The following ATP8B1 variants were observed in gnomAD, a reference collection of about 807,000 sequenced individuals.
ATP8B1 encodes the protein phospholipid-transporting ATPase IC.
In ATP8B1, 80 loss-of-function variants were observed where a neutral mutation model predicts 149.9. That is an observed-to-expected ratio of 0.53 (90% confidence interval 0.45 to 0.64). The LOEUF (loss-of-function observed/expected upper bound fraction) is 0.64, where lower values mean the gene tolerates loss of function less well. ATP8B1 is among the 30% of genes least tolerant of loss of function. The probability of loss-of-function intolerance (pLI) is 0.00; values close to 1 mark genes in which losing one functional copy is unlikely to be tolerated. For synonymous variants in ATP8B1, 536 were observed against 562.8 expected, an observed-to-expected ratio of 0.95 and a Z score of 0.67; for missense variants, 1,247 against 1,552.6, an observed-to-expected ratio of 0.80 and a Z score of 3.31.
chr18:57,679,389 A>G (rs923648161), intron 15 of ATP8B1, among the ~76,000 whole-genome samples: 26 of 152,188 alleles, frequency 1.7e-4, no homozygotes, highest in Non-Finnish European at 3.2e-4. Context: ...ATAAAAATTG[A>G]AGGTGTAAAA....
chr18:57,656,965 G>T (rs942422203), intron 22 of ATP8B1, among the ~76,000 whole-genome samples: 4 of 151,910 alleles, frequency 2.6e-5, no homozygotes, highest in African/African-American at 9.7e-5. Flanking sequence ...ACAACAGGAG[G>T]TGTTTAAATA....
chr18:57,747,514 C>CA (rs1365096911), intron 1 of ATP8B1, among the ~76,000 whole-genome samples: 1 of 151,610 alleles, frequency 6.6e-6, no homozygotes, highest in Non-Finnish European at 1.5e-5. Context: ...GATCTGTATC[C>CA]AAAGCTGTGG....
chr18:57,696,639 G>A lies in ATP8B1; in HGVS notation c.698+979C>T, dbSNP rs564086204. On this transcript the variant is annotated intron_variant, in intron 8 of 27. Transcript: ENST00000648908. ...CCTAGTTTTCAGTCTCATGATTTCCGCTCTCTGTAAAGCAGTGTATGCACA... is the reference window on the plus strand; with the variant it reads ...CCTAGTTTTCAGTCTCATGATTTCCACTCTCTGTAAAGCAGTGTATGCACA... 1.3e-4 allele frequency among the ~76,000 whole-genome samples: 19 copies of A among 151,446 alleles called. No individual in the cohort carries two copies. The East Asian group carries it at 3.5e-3, about 28-fold the overall frequency.
chr18:57,797,260 G>A (rs576441046), intron 1 of ATP8B1, among the ~76,000 whole-genome samples: 28 of 152,246 alleles, frequency 1.8e-4, no homozygotes, highest in African/African-American at 6.3e-4. Context: ...CAAACAAACC[G>A]CAACTCCAGT....
chr18:57,676,565 G>GA (rs35414334), intron 15 of ATP8B1, among the ~76,000 whole-genome samples: 12,810 of 151,414 alleles, frequency 0.085, 623 homozygotes, highest in Middle Eastern at 0.14. Flanking sequence ...TAAAAACACA[G>GA]AAAATTAGCC....
intron 15 of ATP8B1, among the ~76,000 whole-genome samples, chr18:57,680,149 C>T (rs1041282394): frequency 6.6e-6 from 1 of 151,254 alleles, no homozygotes; most frequent in African/African-American, 2.4e-5. Context: ...TTGGTGTGGG[C>T]GCCTGTAATC....
intron 16 of ATP8B1, 73 bp downstream of exon 16, chr18:57,674,761 A>AAG: frequency 1.3e-6 from 2 of 1,525,334 alleles, no homozygotes; most frequent in Non-Finnish European, 1.8e-6. Flanking sequence ...CTTTATCCTG[A>AAG]TGCCACTCAA....
At chr18:57,709,633 A>C (rs1316853521) in intron 2 of ATP8B1, among the ~76,000 whole-genome samples, 1 of 152,132 alleles carries the variant, frequency 6.6e-6, no homozygotes, top group African/African-American at 2.4e-5. Context: ...TTACAGAAAG[A>C]GTAAGCATCT....
At chr18:57,738,149 G>A (rs552958532) in intron 1 of ATP8B1, 2 of 152,226 alleles carry the variant, frequency 1.3e-5, no homozygotes, top group South Asian at 2.1e-4. Context: ...TGCTGTGTAT[G>A]GTATGGATTT....
chr18:57,684,223 T>C (rs1912123829), intron 14 of ATP8B1, 31 bp from the exon 15 acceptor site: 4 of 1,595,302 alleles, frequency 2.5e-6, no homozygotes, highest in Non-Finnish European at 3.4e-6. Context: ...CAAAATATGA[T>C]TTTATAAAAT....
chr18:57,749,972 G>A (rs1050278487), intron 1 of ATP8B1, among the ~76,000 whole-genome samples: 2 of 152,240 alleles, frequency 1.3e-5, no homozygotes, highest in African/African-American at 4.8e-5. Context: ...GCCGGGTGCA[G>A]TGGCTCACAC....
intron 1 of ATP8B1, among the ~76,000 whole-genome samples, chr18:57,797,437 C>T (rs2080525269): frequency 6.6e-6 from 1 of 152,204 alleles, no homozygotes; most frequent in Admixed American, 6.5e-5. Context: ...GAAAGGCTGC[C>T]CAGGAACAGA....
At chr18:57,789,957 GAATCACC>G (rs1271485189) in intron 1 of ATP8B1, among the ~76,000 whole-genome samples, 1 of 151,998 alleles carries the variant, frequency 6.6e-6, no homozygotes, top group Non-Finnish European at 1.5e-5. Flanking sequence ...CTAGACTTCT[GAATCACC>G]AATGCTTGAC....
chr18:57,770,737 C>T (rs2080256681), intron 1 of ATP8B1, among the ~76,000 whole-genome samples: 1 of 152,210 alleles, frequency 6.6e-6, no homozygotes, highest in Non-Finnish European at 1.5e-5. Flanking sequence ...TGCGGCAGAT[C>T]GCAAGTTCAT....
At chr18:57,658,668 T>TG (rs1555688370) in intron 22 of ATP8B1, among the ~76,000 whole-genome samples, 14 of 126,462 alleles carry the variant, frequency 1.1e-4, no homozygotes, top group Non-Finnish European at 1.7e-4. Context: ...TGTGTGTGTG[T>TG]TCTTTTTTGT....
At chr18:57,794,812 G>GAA (rs1167741510) in intron 1 of ATP8B1, among the ~76,000 whole-genome samples, 5 of 151,512 alleles carry the variant, frequency 3.3e-5, no homozygotes, top group East Asian at 2.0e-4. Context: ...AAGAAAGAAA[G>GAA]AAAGAAAGAA....
chr18:57,712,048 C>CATATATATATATATATAT (rs10622264), intron 2 of ATP8B1, among the ~76,000 whole-genome samples: 11 of 144,390 alleles, frequency 7.6e-5, no homozygotes, highest in African/African-American at 2.9e-4. Context: ...CCTCTATTGG[C>CATATATATATATATATAT]ATATATATAT....
intron 20 of ATP8B1, 63 bp from the exon 21 acceptor site, chr18:57,662,678 A>G (rs776277254): frequency 2.3e-5 from 36 of 1,573,586 alleles, no homozygotes; most frequent in Non-Finnish European, 3.0e-5. Flanking sequence ...TGACTCTGAG[A>G]TAACTTTGAC....
At chr18:57,659,146 C>T (rs1406900930) in intron 22 of ATP8B1, among the ~76,000 whole-genome samples, 2 of 152,052 alleles carry the variant, frequency 1.3e-5, no homozygotes, top group Admixed American at 6.6e-5. Flanking sequence ...CATGGTGGCT[C>T]ATGCCTGTAG....
Sources: gnomAD v4.1 joint callset for allele counts (sites outside exome capture counted in the v4.1 genomes callset) on GRCh38, gnomAD v4.1.1 for gene constraint, MANE v1.5 for transcripts, NCBI Gene and HGNC (gene_info 2026-07-23, HGNC 2026-07-21) for gene names.